The following TRIM35 variants were observed in gnomAD, a reference collection of about 807,000 sequenced individuals.
TRIM35 encodes E3 ubiquitin-protein ligase TRIM35.
TRIM35 carries 37 observed loss-of-function variants against 49.1 expected under a neutral mutation model. The observed-to-expected ratio is 0.75, with a 90% CI of 0.58 to 0.99. The LOEUF (loss-of-function observed/expected upper bound fraction) is 0.99, where lower values mean the gene tolerates loss of function less well. Among genes scored for constraint, TRIM35 ranks in the 50% least tolerant of loss-of-function variants. The pLI, the probability that TRIM35 is intolerant of heterozygous loss-of-function variation, is 0.00. For synonymous variants in TRIM35, 302 were observed against 289.3 expected (o/e 1.04, Z -0.45); for missense variants, 648 against 702.7 (o/e 0.92, Z 0.88).
chr8:27,286,007 A>AT lies in TRIM35; in HGVS notation c.*1542dup. On this transcript the variant is annotated 3_prime_UTR_variant, in exon 6 of 6. Transcript: ENST00000305364. Reference sequence around the variant, plus strand: ...GTTTTATCTAACCAGTGTACACAACATATTTATAACCAATTAATACGTGTG... The same window carrying AT: ...GTTTTATCTAACCAGTGTACACAACATTATTTATAACCAATTAATACGTGTG... The AT allele has an allele frequency of 2.2e-6, 1 of 444,702 alleles. No individual in the cohort carries two copies. The highest frequency in any genetic ancestry group is 1.6e-5 in the South Asian group (1 of 63,060). The allele number at this position is 444,702 out of a possible 1,614,324, so 27.5% of individuals were successfully genotyped here. A position where few individuals can be genotyped will look rare whatever the true frequency, so the allele number is the denominator to read the frequency against.
chr8:27,290,631 T>G (rs1286530067), intron 3 of TRIM35, among the ~76,000 whole-genome samples: 1 of 152,198 alleles, frequency 6.6e-6, no homozygotes, highest in Non-Finnish European at 1.5e-5. Context: ...CTTGTATTGT[T>G]TTATAATTTA....
Position 27,296,688 on chromosome 8 carries a change from A to C in TRIM35, c.531+1776T>G, listed in dbSNP as rs74985222. On this transcript the variant is annotated intron_variant, in intron 2 of 5. Transcript: ENST00000305364. The stretch of plus-strand genomic sequence containing the variant: ...CCAGTCATATGGCTTTAGCCACAGA[A>C]GGAAACCAAGTAAGAGAACAATGAT... Among the ~76,000 whole-genome samples the C allele has an allele frequency of 4.5e-3, 684 of 152,340 alleles. 6 individuals carry two copies. The highest frequency in any genetic ancestry group is 0.036 in the East Asian group (185 of 5,174).
At chr8:27,291,043 C>A (rs1458299658) in intron 3 of TRIM35, among the ~76,000 whole-genome samples, 2 of 123,156 alleles carry the variant, frequency 1.6e-5, no homozygotes, top group African/African-American at 3.2e-5. Flanking sequence ...ACTGGGAAAA[C>A]TGTATGTTGA....
chr8:27,310,909 G>A lies in TRIM35; in HGVS notation c.327C>T (p.Ser109=). The A allele has an allele frequency of 6.2e-7, 1 of 1,612,844 alleles. No homozygotes were observed. The highest frequency in any genetic ancestry group is 2.2e-5 in the East Asian group (1 of 44,878). ...RVCRLHRGQL[S]LFCLEDKELL... ...GCTCCTTGTCCTCGAGGCAGAAGAG[G>A]CTGAGCTGTCCGCGGTGCAGGCGGC... The change falls in exon 1 of 6, where the codon AGC becomes AGT. Residue 109 remains serine (S), a synonymous_variant. Transcript: ENST00000305364.
At chr8:27,288,256 G>C in intron 5 of TRIM35, 129 bp from the exon 6 acceptor site, 1 of 885,122 alleles carries the variant, frequency 1.1e-6, no homozygotes, top group Non-Finnish European at 1.7e-6. Flanking sequence ...GAGTGGCCCA[G>C]GGCTGGAGTG....
chr8:27,301,447 C>G (rs1802680885), intron 1 of TRIM35, among the ~76,000 whole-genome samples: 1 of 152,144 alleles, frequency 6.6e-6, no homozygotes, highest in Non-Finnish European at 1.5e-5. Flanking sequence ...AGCAGTGGTA[C>G]CAATTTTTAC....
chr8:27,293,725 G>T (rs562934954), intron 3 of TRIM35, among the ~76,000 whole-genome samples: 1 of 151,962 alleles, frequency 6.6e-6, no homozygotes. Flanking sequence ...ATGGTGGCTC[G>T]TGCCTGTAGT....
intron 3 of TRIM35, among the ~76,000 whole-genome samples, chr8:27,291,398 A>G (rs1224776273): frequency 2.0e-5 from 3 of 152,224 alleles, no homozygotes; most frequent in African/African-American, 7.2e-5. Context: ...AATTTTTAAA[A>G]AACAAATTTT....
rs1294573202 is a variant in TRIM35 at position 27,287,452 on chromosome 8, A to C, written c.*98T>G. On this transcript the variant is annotated 3_prime_UTR_variant, in exon 6 of 6. Coordinates refer to ENST00000305364, the MANE Select transcript of TRIM35 (RefSeq NM_171982.5). The surrounding 1 kb of genome is among the most constrained non-coding windows in gnomAD (Gnocchi z 6.0). ...GGACAGGAGGAAGAGCCTGGCAAGG[A>C]GGCAGGGGCGCAATAGTGCCCAAGC... 7.9e-7 allele frequency: 1 copy of C among 1,264,768 alleles called. No individual in the cohort carries two copies. The highest frequency in any genetic ancestry group is 1.5e-5 in the African/African-American group (1 of 66,280). The allele number at this position is 1,264,768 out of a possible 1,614,324, so 78.3% of individuals were successfully genotyped here. A position where few individuals can be genotyped will look rare whatever the true frequency, so the allele number is the denominator to read the frequency against.
Position 27,311,052 on chromosome 8 carries a change from CTTTGCACA to C in TRIM35, c.176_183del (p.Val59GlyfsTer109). 6.3e-7 allele frequency: 1 copy of C among 1,598,828 alleles called. No individual in the cohort carries two copies. The highest frequency in any genetic ancestry group is 1.3e-5 in the African/African-American group (1 of 74,802). On this transcript the variant is annotated frameshift_variant, in exon 1 of 6. Coordinates refer to ENST00000305364, the MANE Select transcript of TRIM35 (RefSeq NM_171982.5). LOFTEE classifies it high-confidence loss of function. ...CGCAGGTCGGCGGGTGACGCGCGGT[CTTTGCACA>C]CTGGGCAGGTGGGCGACACCTGCAC...
intron 1 of TRIM35, among the ~76,000 whole-genome samples, chr8:27,302,890 C>G (rs535531499): frequency 3.3e-5 from 5 of 152,282 alleles, no homozygotes; most frequent in South Asian, 4.1e-4. Flanking sequence ...AGTTTTGCTT[C>G]CCTTCTTTCC....
At chr8:27,306,334 T>TG (rs979978074) in intron 1 of TRIM35, among the ~76,000 whole-genome samples, 5 of 151,424 alleles carry the variant, frequency 3.3e-5, no homozygotes, top group Non-Finnish European at 5.9e-5. Context: ...TCTTTCTTTT[T>TG]TTTTTTTTTG....
intron 5 of TRIM35, 148 bp from the exon 6 acceptor site, chr8:27,288,275 G>T: frequency 1.3e-6 from 1 of 758,808 alleles, no homozygotes; most frequent in Non-Finnish European, 2.1e-6. Context: ...TGGTGGCAGG[G>T]GTTGGGCTGT....
intron 1 of TRIM35, among the ~76,000 whole-genome samples, chr8:27,304,164 AC>A (rs747254922): frequency 7.2e-5 from 11 of 152,352 alleles, no homozygotes; most frequent in Non-Finnish European, 1.6e-4. Context: ...AAATCACGTT[AC>A]CCACAATTTT....
intron 3 of TRIM35, among the ~76,000 whole-genome samples, chr8:27,292,906 A>G (rs1415410920): frequency 1.3e-5 from 2 of 152,220 alleles, no homozygotes; most frequent in African/African-American, 4.8e-5. Context: ...TCATCCCTGA[A>G]AGCACTCTGA....
rs759675596 is a variant in TRIM35, at chr8:27,287,739, C to T, written c.1293G>A (p.Glu431=). Residue 431 remains glutamate, a synonymous_variant, in exon 6 of 6, where the codon GAG becomes GAA. Transcript: ENST00000305364. This position sits in a 1 kb window ranked among gnomAD's most constrained non-coding sequence, Gnocchi z 6.0. ...VLAIPRRLRV[E]LECEEGELSF... ...ACAGCTCGCCCTCCTCACACTCCAG[C>T]TCCACACGCAGGCGGCGTGGGATGG... is the stretch of plus-strand genomic sequence containing the variant. The T allele has an allele frequency of 3.1e-6, 5 of 1,610,342 alleles. No homozygotes were observed. Among genetic ancestry groups the T allele is most frequent in the Non-Finnish European group, 4.2e-6 (5 of 1,178,640 alleles).
chr8:27,291,058 C>CAAAAAAAAAA (rs56953962), intron 3 of TRIM35, among the ~76,000 whole-genome samples: 1 of 50,620 alleles, frequency 2.0e-5, no homozygotes, highest in African/African-American at 6.3e-5. Context: ...TGTTGACATG[C>CAAAAAAAAAA]AAAAAAAAAA....
chr8:27,298,404 T>A, intron 2 of TRIM35, 60 bp downstream of exon 2: 4 of 1,529,616 alleles, frequency 2.6e-6, no homozygotes, highest in Non-Finnish European at 3.6e-6. Flanking sequence ...ACATCTTCAC[T>A]CCTCCCCAGA....
At chr8:27,301,708 A>G (rs1459638352) in intron 1 of TRIM35, among the ~76,000 whole-genome samples, 1 of 152,184 alleles carries the variant, frequency 6.6e-6, no homozygotes, top group Non-Finnish European at 1.5e-5. Flanking sequence ...TAGGATTAGT[A>G]TACTAGTTTT....
Sources: gnomAD v4.1 joint callset for allele counts (sites outside exome capture counted in the v4.1 genomes callset) on GRCh38, gnomAD v4.1.1 for gene constraint, Gnocchi (gnomAD v3.1) non-coding constraint, MANE v1.5 for transcripts, NCBI Gene and HGNC (gene_info 2026-07-23, HGNC 2026-07-21) for gene names.